Variants in NAMPT observed in about 807,000 individuals in gnomAD.
NAMPT encodes NAmPRTase.
A neutral mutation model predicts 58.7 loss-of-function variants in NAMPT; 7 were observed. That is an observed-to-expected ratio of 0.12 (90% CI 0.07 to 0.22). The LOEUF (loss-of-function observed/expected upper bound fraction) is 0.22. NAMPT is among the 10% of genes least tolerant of loss of function. The pLI is 1.00. For missense variants in NAMPT, 271 were observed against 567.9 expected, an observed-to-expected ratio of 0.48 and a Z score of 5.31; for synonymous variants, 145 against 198.1, an observed-to-expected ratio of 0.73 and a Z score of 2.25.
At chr7:106,262,849 C>G (rs1586016472) in intron 7 of NAMPT, among the ~76,000 whole-genome samples, 1 of 152,056 alleles carries the variant, frequency 6.6e-6, no homozygotes, top group African/African-American at 2.4e-5. Flanking sequence ...TAGTAGTAGG[C>G]ATCAAATAAG....
intron 8 of NAMPT, among the ~76,000 whole-genome samples, chr7:106,255,235 T>C (rs1200670002): frequency 1.3e-5 from 2 of 152,210 alleles, no homozygotes; most frequent in Non-Finnish European, 2.9e-5. Context: ...ACCAATGTCA[T>C]TTGTATTTCT....
intron 5 of NAMPT, 125 bp from the exon 6 acceptor site, chr7:106,268,725 A>T: frequency 2.8e-6 from 2 of 702,360 alleles, no homozygotes; most frequent in Non-Finnish European, 4.9e-6. Flanking sequence ...TTCTCTTAGG[A>T]AAGTATTTAT....
chr7:106,266,818 C>T (rs1370018006), intron 6 of NAMPT, among the ~76,000 whole-genome samples: 3 of 152,144 alleles, frequency 2.0e-5, no homozygotes, highest in South Asian at 2.1e-4. Flanking sequence ...CATAACATCA[C>T]GTCTTTGCTC....
At chr7:106,262,870 C>T (rs1015598136) in intron 7 of NAMPT, among the ~76,000 whole-genome samples, 1 of 151,990 alleles carries the variant, frequency 6.6e-6, no homozygotes, top group African/African-American at 2.4e-5. Context: ...CCTGCTATTA[C>T]TACTTTTTGA....
At chr7:106,280,396 C>T (rs777443824) in intron 1 of NAMPT, among the ~76,000 whole-genome samples, 6 of 152,114 alleles carry the variant, frequency 3.9e-5, no homozygotes, top group African/African-American at 1.2e-4. Flanking sequence ...TGTTAAGTAA[C>T]GCTAACAAAA....
Position 106,265,672 on chromosome 7 carries a change from T to C in NAMPT, c.744-2055A>G, listed in dbSNP as rs1263448503. On this transcript the variant is annotated intron_variant, in intron 6 of 10. Coordinates refer to ENST00000222553, the MANE Select transcript of NAMPT (RefSeq NM_005746.3). ...TGGATCTACTTTGTTAGATAGAAAG[T>C]TGAATATCTTCATCTCAGCATCCCA... Among the ~76,000 whole-genome samples, 11 of 152,132 alleles carry C rather than the reference T, an allele frequency of 7.2e-5. No homozygotes were observed. The South Asian group carries it at 1.7e-3, about 23-fold the overall frequency.
intron 8 of NAMPT, among the ~76,000 whole-genome samples, chr7:106,255,251 C>T (rs899347793): frequency 3.3e-5 from 5 of 152,130 alleles, no homozygotes; most frequent in African/African-American, 1.2e-4. Flanking sequence ...TTTCTTTCAC[C>T]AAAGTCAAGT....
intron 2 of NAMPT, 102 bp from the exon 3 acceptor site, chr7:106,275,151 G>T: frequency 1.5e-6 from 1 of 653,406 alleles, no homozygotes; most frequent in Non-Finnish European, 2.6e-6. Context: ...CCCATTCTAT[G>T]GATTAAAAAT....
upstream of NAMPT, chr7:106,285,243 G>A (rs1038329766): frequency 7.5e-6 from 7 of 934,932 alleles, no homozygotes; most frequent in African/African-American, 1.0e-4. Flanking sequence ...TGATGCACGC[G>A]CTCTTCCTCC....
chr7:106,285,216 G>A (rs1586032536), upstream of NAMPT: 2 of 1,099,522 alleles, frequency 1.8e-6, no homozygotes, highest in Non-Finnish European at 2.2e-6. Flanking sequence ...CGCGGAGGCG[G>A]GGCGGGGAGG....
At chr7:106,280,748 T>C (rs959842811) in intron 1 of NAMPT, among the ~76,000 whole-genome samples, 4 of 152,088 alleles carry the variant, frequency 2.6e-5, no homozygotes, top group Non-Finnish European at 5.9e-5. Flanking sequence ...GAGACCATCC[T>C]GGCTAACATG....
At chr7:106,252,297 T>C (rs1182925851) in intron 10 of NAMPT, among the ~76,000 whole-genome samples, 1 of 152,106 alleles carries the variant, frequency 6.6e-6, no homozygotes, top group Non-Finnish European at 1.5e-5. Flanking sequence ...TATAAAGGGA[T>C]CTAATTCTAA....
At chr7:106,269,830 G>A (rs953149253) in intron 4 of NAMPT, among the ~76,000 whole-genome samples, 2 of 152,080 alleles carry the variant, frequency 1.3e-5, no homozygotes, top group Admixed American at 6.6e-5. Flanking sequence ...GAAGTTGTTC[G>A]TTTACTCCTC....
At chr7:106,256,698 T>A (rs1021783950) in intron 8 of NAMPT, among the ~76,000 whole-genome samples, 1 of 152,204 alleles carries the variant, frequency 6.6e-6, no homozygotes, top group Non-Finnish European at 1.5e-5. Flanking sequence ...GGCTACTAAG[T>A]GTTCTGAGCA....
chr7:106,285,294 C>T (rs1792856006), upstream of NAMPT: 1 of 687,478 alleles, frequency 1.5e-6, no homozygotes, highest in Non-Finnish European at 1.8e-6. Flanking sequence ...CGGGGCAGCC[C>T]CGGCGCGTGA....
intron 10 of NAMPT, among the ~76,000 whole-genome samples, chr7:106,252,184 G>A (rs1792115437): frequency 6.6e-6 from 1 of 151,938 alleles, no homozygotes; most frequent in Non-Finnish European, 1.5e-5. Flanking sequence ...TTTACTTTTA[G>A]TTTGAAGTGA....
chr7:106,284,595 GC>G, intron 1 of NAMPT: 1 of 270,832 alleles, frequency 3.7e-6, no homozygotes, highest in East Asian at 1.4e-4. Context: ...GCGCCCCCAG[GC>G]CCCGCCTCCA....
At chr7:106,260,594 T>C (rs1436307368) in intron 8 of NAMPT, among the ~76,000 whole-genome samples, 1 of 152,260 alleles carries the variant, frequency 6.6e-6, no homozygotes, top group East Asian at 1.9e-4. Flanking sequence ...TGGCCTACTG[T>C]TTGCCTTAAG....
intron 4 of NAMPT, 59 bp from the exon 5 acceptor site, chr7:106,269,371 G>A: frequency 2.1e-6 from 3 of 1,416,832 alleles, no homozygotes; most frequent in Admixed American, 2.3e-5. Context: ...TCTTTCTGAG[G>A]AAAATCCTAG....
Sources: gnomAD v4.1 joint callset for allele counts (sites outside exome capture counted in the v4.1 genomes callset) on GRCh38, gnomAD v4.1.1 for gene constraint, MANE v1.5 for transcripts, NCBI Gene and HGNC (gene_info 2026-07-23, HGNC 2026-07-21) for gene names.